The following ERICH6 variants were observed in gnomAD, a reference collection of about 807,000 sequenced individuals.
ERICH6 encodes the protein glutamate rich 6, also known as glutamate-rich protein 6.
A neutral mutation model predicts 71.0 loss-of-function variants in ERICH6; 71 were observed. That is an observed-to-expected ratio of 1.00 (90% confidence interval 0.83 to 1.22). The LOEUF is 1.22. Ranked by LOEUF, ERICH6 falls within the 50% of genes most tolerant of loss-of-function variation. The probability of loss-of-function intolerance (pLI) is 0.00; values close to 1 mark genes in which losing one functional copy is unlikely to be tolerated. For missense variants in ERICH6, 808 were observed against 797.2 expected (o/e 1.01, Z -0.16); for synonymous variants, 262 against 278.4 (o/e 0.94, Z 0.59).
chr3:150,663,333 T>C, intron 13 of ERICH6, among the ~76,000 whole-genome samples: 1 of 152,178 alleles, frequency 6.6e-6, no homozygotes, highest in East Asian at 1.9e-4. Context: ...TGAAACAGCG[T>C]TTAGAGTTGT....
At chr3:150,666,718 A>G in intron 13 of ERICH6, 69 bp downstream of exon 13, 3 of 1,368,696 alleles carry the variant, frequency 2.2e-6, no homozygotes, top group Non-Finnish European at 3.0e-6. Context: ...CAGTAATAAT[A>G]CTAACAAAAG....
intron 11 of ERICH6, among the ~76,000 whole-genome samples, chr3:150,672,929 T>G (rs1016694934): frequency 6.6e-6 from 1 of 151,706 alleles, no homozygotes; most frequent in African/African-American, 2.4e-5. Flanking sequence ...GGATGCTGAG[T>G]TGGGGGGACT....
intron 13 of ERICH6, among the ~76,000 whole-genome samples, chr3:150,664,470 G>A (rs976761678): frequency 1.3e-5 from 2 of 151,958 alleles, no homozygotes; most frequent in South Asian, 4.1e-4. Context: ...CCAACATGGT[G>A]AAACCCCGCC....
At chr3:150,702,414 C>T (rs922845381) in intron 1 of ERICH6, among the ~76,000 whole-genome samples, 1 of 151,914 alleles carries the variant, frequency 6.6e-6, no homozygotes, top group African/African-American at 2.4e-5. Flanking sequence ...GTAGCTGGGA[C>T]TACAGGCGCA....
chr3:150,663,230 CAGACA>C (rs1480409356), intron 13 of ERICH6, among the ~76,000 whole-genome samples: 1 of 152,104 alleles, frequency 6.6e-6, no homozygotes, highest in African/African-American at 2.4e-5. Flanking sequence ...GGTAAAGAGG[CAGACA>C]AGAATGATAG....
In ERICH6 at chr3:150,680,694, A is replaced by G; in HGVS notation, c.1040+79T>C. ...TACATCTTCAAAGTTATATATCTTG[A>G]AAAAATGAGGTTCATTTACAAAACG... On this transcript the variant is annotated intron_variant, in intron 8 of 13. Coordinates refer to ENST00000295910, the MANE Select transcript of ERICH6 (RefSeq NM_152394.5). 2.6e-6 allele frequency: 4 copies of G among 1,555,296 alleles called. No homozygotes were observed. In the South Asian group the frequency reaches 4.9e-5, roughly 19 times the overall value.
Position 150,679,720 on chromosome 3 carries a change from C to T in ERICH6, c.1111+748G>A, listed in dbSNP as rs115397679. ...GTTGCCCAGGCTGGAGTCAATGGCA[C>T]GATCCTGGCTTACTGCTACCTCTGT... is the stretch of plus-strand genomic sequence containing the variant. On this transcript the variant is annotated intron_variant, in intron 9 of 13. Coordinates refer to ENST00000295910, the MANE Select transcript of ERICH6 (RefSeq NM_152394.5). Among the ~76,000 whole-genome samples the T allele has an allele frequency of 4.9e-3, 747 of 152,110 alleles. 9 individuals carry two copies. The highest frequency in any genetic ancestry group is 0.017 in the African/African-American group (718 of 41,484).
At position 150,688,741 on chromosome 3, in the gene ERICH6, G is replaced by A. The variant is rs189606434; in HGVS notation, c.554-2387C>T. On this transcript the variant is annotated intron_variant, in intron 3 of 13. Transcript: ENST00000295910. ...TCTCTTCTCTACCTACGACCTGGGA[G>A]CCCCCTCCCGGCTTTGAGTTGTCCC... Among the ~76,000 whole-genome samples the A allele has an allele frequency of 5.3e-5, 8 of 152,330 alleles. No individual in the cohort carries two copies. The East Asian group carries it at 9.7e-4, about 18-fold the overall frequency.
intron 10 of ERICH6, among the ~76,000 whole-genome samples, chr3:150,675,283 A>G (rs1711609003): frequency 6.6e-6 from 1 of 152,196 alleles, no homozygotes; most frequent in Non-Finnish European, 1.5e-5. Flanking sequence ...TGGTGGATTG[A>G]AATTTTGTCA....
chr3:150,700,745 G>T (rs183495210), intron 2 of ERICH6, among the ~76,000 whole-genome samples: 1 of 151,970 alleles, frequency 6.6e-6, no homozygotes, highest in South Asian at 2.1e-4. Flanking sequence ...CACCATGCCC[G>T]GCTAATTTTT....
At chr3:150,674,143 C>A in intron 10 of ERICH6, 102 bp from the exon 11 acceptor site, 1 of 891,350 alleles carries the variant, frequency 1.1e-6, no homozygotes, top group Non-Finnish European at 1.7e-6. Context: ...TCATACAAAT[C>A]AATTATTAAT....
intron 13 of ERICH6, among the ~76,000 whole-genome samples, chr3:150,661,863 A>G (rs564406737): frequency 1.3e-5 from 2 of 152,290 alleles, no homozygotes; most frequent in African/African-American, 4.8e-5. Context: ...CCTGGGTGAC[A>G]GAGCAAAACC....
rs185219855 is a variant in ERICH6, at chr3:150,696,698, C to T, written c.553+2093G>A. ...TTATTGGTATCAAGTTGCTCAACCT[C>T]GGCAATAATCTTAATAATTAAGAAA... On this transcript the variant is annotated intron_variant, in intron 3 of 13. Transcript: ENST00000295910. Among the ~76,000 whole-genome samples the T allele has an allele frequency of 6.6e-4, 100 of 152,130 alleles. 1 individual carries two copies. The highest frequency in any genetic ancestry group is 2.3e-3 in the African/African-American group (95 of 41,504).
At chr3:150,661,835 C>T (rs1327506246) in intron 13 of ERICH6, among the ~76,000 whole-genome samples, 1 of 151,950 alleles carries the variant, frequency 6.6e-6, no homozygotes, top group Non-Finnish European at 1.5e-5. Flanking sequence ...GAGCTATGGT[C>T]ACGCCACTAC....
intron 9 of ERICH6, 138 bp downstream of exon 9, chr3:150,680,330 A>G: frequency 2.4e-6 from 2 of 825,398 alleles, no homozygotes; most frequent in Non-Finnish European, 3.8e-6. Flanking sequence ...GGCTTCCCAA[A>G]GTGTTGGGAT....
intron 13 of ERICH6, among the ~76,000 whole-genome samples, chr3:150,661,605 C>T (rs537930921): frequency 1.3e-5 from 2 of 152,186 alleles, no homozygotes; most frequent in South Asian, 2.1e-4. Flanking sequence ...TTCCGAGGGA[C>T]TTGAGAGAAT....
At chr3:150,693,951 C>T (rs1057308116) in intron 3 of ERICH6, among the ~76,000 whole-genome samples, 12 of 152,140 alleles carry the variant, frequency 7.9e-5, no homozygotes, top group Non-Finnish European at 1.8e-4. Flanking sequence ...GCCCTGCAAA[C>T]TGAAGCTAGA....
At chr3:150,696,026 T>C (rs1160062031) in intron 3 of ERICH6, among the ~76,000 whole-genome samples, 1 of 151,968 alleles carries the variant, frequency 6.6e-6, no homozygotes, top group African/African-American at 2.4e-5. Flanking sequence ...GAGAAATTCA[T>C]TTATCATATA....
At position 150,698,825 on chromosome 3, in the gene ERICH6, A is replaced by G. The variant is rs748835350; in HGVS notation, c.519T>C (p.Ser173=). The change falls in exon 3 of 14, where the codon AGT becomes AGC. Residue 173 remains serine, a synonymous_variant. Transcript: ENST00000295910. ...GIPVSVQTEE[S]WLQDLSDKVQ... is the part of the protein sequence containing the mutation. The stretch of plus-strand genomic sequence containing the variant: ...CTTTATCAGACAAATCTTGGAGCCA[A>G]CTTTCTTCTGTTTGTACTGATACTG... 70 of 1,613,896 alleles carry G rather than the reference A, an allele frequency of 4.3e-5. 1 individual carries two copies. In the South Asian group the frequency reaches 6.8e-4, roughly 16 times the overall value.
Sources: gnomAD v4.1 joint callset for allele counts (sites outside exome capture counted in the v4.1 genomes callset) on GRCh38, gnomAD v4.1.1 for gene constraint, MANE v1.5 for transcripts, NCBI Gene and HGNC (gene_info 2026-07-23, HGNC 2026-07-21) for gene names.